The following COL11A1 variants were observed in gnomAD, a reference collection of about 807,000 sequenced individuals.
The protein encoded by COL11A1 is collagen alpha-1(XI) chain.
In COL11A1, 74 loss-of-function variants were observed where a neutral mutation model predicts 265.2. The observed-to-expected ratio is 0.28, with a 90% CI of 0.23 to 0.34. The LOEUF is 0.34. Ranked by LOEUF, COL11A1 falls within the 10% of genes least tolerant of loss-of-function variation. COL11A1 has a pLI of 1.00. For synonymous variants in COL11A1, 816 were observed against 727.6 expected (o/e 1.12, Z -1.96); for missense variants, 2,165 against 2,263.6 (o/e 0.96, Z 0.88).
chr1:103,036,884 T>C (rs1382785054), intron 4 of COL11A1, among the ~76,000 whole-genome samples: 2 of 152,106 alleles, frequency 1.3e-5, no homozygotes, highest in Non-Finnish European at 2.9e-5. Flanking sequence ...CTGTGTCAAC[T>C]GGGTTTATAC....
chr1:103,104,295 A>T (rs1465350987), intron 1 of COL11A1, among the ~76,000 whole-genome samples: 1 of 152,120 alleles, frequency 6.6e-6, no homozygotes. Context: ...TAGAAAAGAA[A>T]GGTGACTCTT....
At chr1:103,107,389 G>A (rs1674782888) in intron 1 of COL11A1, among the ~76,000 whole-genome samples, 1 of 151,724 alleles carries the variant, frequency 6.6e-6, no homozygotes, top group South Asian at 2.1e-4. Flanking sequence ...GCGGAGGGGT[G>A]GGGTGGGGGG....
At chr1:102,891,415 T>C (rs992702945) in intron 57 of COL11A1, among the ~76,000 whole-genome samples, 2 of 151,916 alleles carry the variant, frequency 1.3e-5, no homozygotes, top group African/African-American at 2.4e-5. Flanking sequence ...ATACTTCTAT[T>C]TCAATAATTT....
chr1:102,938,997 A>G (rs779969512), intron 44 of COL11A1, 38 bp downstream of exon 44: 1 of 1,585,048 alleles, frequency 6.3e-7, no homozygotes, highest in Non-Finnish European at 8.7e-7. Context: ...AAGTTGTTAA[A>G]TAAATAATGT....
chr1:103,031,067 G>A lies in COL11A1; in HGVS notation c.780+49C>T, dbSNP rs752984781. On this transcript the variant is annotated intron_variant, in intron 5 of 66. Coordinates refer to ENST00000370096, the MANE Select transcript of COL11A1 (RefSeq NM_001854.4). ...ATAAGTTCAAAAACTGCACTGCGAT[G>A]TCCATATCACTGAAATACGAAGACC... is the stretch of plus-strand genomic sequence containing the variant. The A allele has an allele frequency of 6.9e-6, 11 of 1,605,694 alleles. No individual in the cohort carries two copies. The South Asian group carries it at 8.8e-5, about 13-fold the overall frequency.
At position 103,031,133 on chromosome 1, in the gene COL11A1, C is replaced by G. The variant is rs768132080; in HGVS notation, c.763G>C (p.Glu255Gln). 4 of 1,613,392 alleles carry G rather than the reference C, an allele frequency of 2.5e-6. No individual in the cohort carries two copies. Among genetic ancestry groups the G allele is most frequent in the Non-Finnish European group, 3.4e-6 (4 of 1,179,610 alleles). Residue 255 changes from glutamate to glutamine, a missense_variant, in exon 5 of 67, where the codon GAA becomes CAA. Glu to Gln is a conservative substitution (Grantham distance 29, BLOSUM62 2). Coordinates refer to ENST00000370096, the MANE Select transcript of COL11A1 (RefSeq NM_001854.4). ...CTCCTCACCTCATCTATCTGAGGTT[C>G]CTGAGCTTGAGCAGCCTTGGGTGCT... The part of the protein sequence containing the change: ...SSAPKAAQAQ[E>Q]PQIDEYAPED...
chr1:102,934,763 A>G (rs946761216), intron 45 of COL11A1, among the ~76,000 whole-genome samples: 1 of 152,180 alleles, frequency 6.6e-6, no homozygotes, highest in Non-Finnish European at 1.5e-5. Flanking sequence ...ACTGATTTTG[A>G]TTTGATCCTG....
chr1:103,107,278 C>T (rs992926321), intron 1 of COL11A1, among the ~76,000 whole-genome samples: 1 of 151,814 alleles, frequency 6.6e-6, no homozygotes, highest in Non-Finnish European at 1.5e-5. Context: ...CCCACACCCC[C>T]TCCCCTTCCC....
At chr1:102,917,636 G>A (rs1224731257) in intron 49 of COL11A1, among the ~76,000 whole-genome samples, 2 of 151,776 alleles carry the variant, frequency 1.3e-5, no homozygotes, top group Admixed American at 6.6e-5. Context: ...CCCTCTATAT[G>A]TTTTGTTGTT....
In COL11A1 at chr1:102,897,904, C is replaced by T. The variant is rs573216595; in HGVS notation, c.4302+221G>A. Among the ~76,000 whole-genome samples the T allele has an allele frequency of 1.7e-3, 262 of 152,120 alleles. 1 individual carries two copies. The highest frequency in any genetic ancestry group is 3.2e-3 in the Non-Finnish European group (218 of 67,990). Reference sequence around the variant, plus strand: ...ATTCAGAGTGGAAATATTTTTTCATCCAAAGTGCATAAGAAAGAAACAAAT... The same window carrying T: ...ATTCAGAGTGGAAATATTTTTTCATTCAAAGTGCATAAGAAAGAAACAAAT... On this transcript the variant is annotated intron_variant, in intron 57 of 66. Coordinates refer to ENST00000370096, the MANE Select transcript of COL11A1 (RefSeq NM_001854.4).
At chr1:103,096,708 T>C (rs965566030) in intron 1 of COL11A1, among the ~76,000 whole-genome samples, 5 of 151,938 alleles carry the variant, frequency 3.3e-5, no homozygotes, top group African/African-American at 1.2e-4. Context: ...GAAAGAGAAC[T>C]TTAAGACTTA....
At chr1:102,925,772 T>C (rs1165613140) in intron 46 of COL11A1, among the ~76,000 whole-genome samples, 1 of 152,128 alleles carries the variant, frequency 6.6e-6, no homozygotes, top group African/African-American at 2.4e-5. Context: ...AACATGCATG[T>C]ATATTTTAAC....
intron 2 of COL11A1, among the ~76,000 whole-genome samples, chr1:103,080,095 G>T (rs1446923292): frequency 6.6e-6 from 1 of 151,880 alleles, no homozygotes; most frequent in Non-Finnish European, 1.5e-5. Context: ...TGTATGGTAT[G>T]TAATAGAATC....
chr1:103,004,391 A>G, intron 20 of COL11A1, 53 bp downstream of exon 20: 1 of 1,298,394 alleles, frequency 7.7e-7, no homozygotes. Context: ...AACACCAGTC[A>G]CTAGTCCTAA....
intron 9 of COL11A1, among the ~76,000 whole-genome samples, chr1:103,019,525 T>C (rs1230279246): frequency 6.6e-6 from 1 of 152,122 alleles, no homozygotes; most frequent in East Asian, 1.9e-4. Context: ...TGTGAGCATG[T>C]TGCATGATTT....
chr1:102,949,143 G>T (rs546011945), intron 41 of COL11A1, among the ~76,000 whole-genome samples: 49 of 152,190 alleles, frequency 3.2e-4, no homozygotes, highest in African/African-American at 8.4e-4. Flanking sequence ...GACAACACAT[G>T]ATGCAACTAG....
At chr1:103,035,664 T>C (rs1050514511) in intron 4 of COL11A1, among the ~76,000 whole-genome samples, 5 of 152,076 alleles carry the variant, frequency 3.3e-5, no homozygotes, top group African/African-American at 1.2e-4. Flanking sequence ...CTTTAATTTA[T>C]GATGAAGCAT....
intron 41 of COL11A1, among the ~76,000 whole-genome samples, chr1:102,951,352 A>T (rs1242275872): frequency 1.3e-5 from 2 of 152,224 alleles, no homozygotes; most frequent in African/African-American, 4.8e-5. Context: ...TTAAATAACT[A>T]TAATGCATTT....
At chr1:103,003,170 A>G (rs1665284738) in intron 21 of COL11A1, 45 bp downstream of exon 21, 1 of 1,605,166 alleles carries the variant, frequency 6.2e-7, no homozygotes, top group African/African-American at 1.3e-5. Flanking sequence ...AAGGTTGGCA[A>G]CAAGCTTTCC....
Sources: gnomAD v4.1 joint callset for allele counts (sites outside exome capture counted in the v4.1 genomes callset) on GRCh38, gnomAD v4.1.1 for gene constraint, MANE v1.5 for transcripts, NCBI Gene and HGNC (gene_info 2026-07-23, HGNC 2026-07-21) for gene names.